The following CHRM2 variants were observed in gnomAD, a reference collection of about 807,000 sequenced individuals.
CHRM2 encodes cholinergic receptor muscarinic 2.
A neutral mutation model predicts 25.0 loss-of-function variants in CHRM2; 8 were observed. The ratio of observed to expected loss-of-function variants is 0.32; its 90% CI spans 0.19 to 0.58. The LOEUF is 0.58. CHRM2 is among the 20% of genes least tolerant of loss of function. CHRM2 has a pLI of 0.88. For missense variants in CHRM2, 440 were observed against 567.1 expected (o/e 0.78, Z 2.28); for synonymous variants, 202 against 205.7 (o/e 0.98, Z 0.15).
At chr7:136,920,518 C>A (rs1430650016) in intron 2 of CHRM2, among the ~76,000 whole-genome samples, 1 of 152,116 alleles carries the variant, frequency 6.6e-6, no homozygotes, top group African/African-American at 2.4e-5. Context: ...ATTGAAACTG[C>A]AGCTTAGAAC....
intron 2 of CHRM2, among the ~76,000 whole-genome samples, chr7:136,969,390 G>A (rs1801620612): frequency 6.6e-6 from 1 of 152,048 alleles, no homozygotes; most frequent in Non-Finnish European, 1.5e-5. Flanking sequence ...TTATCTTCCT[G>A]ATTTGACCCA....
At chr7:136,983,087 G>A (rs186032144) in intron 2 of CHRM2, among the ~76,000 whole-genome samples, 85 of 152,266 alleles carry the variant, frequency 5.6e-4, no homozygotes, top group African/African-American at 2.0e-3. Flanking sequence ...CCAATCAAAC[G>A]TAGGTTTGGT....
At chr7:136,938,755 A>C (rs563429699) in intron 2 of CHRM2, among the ~76,000 whole-genome samples, 1 of 152,098 alleles carries the variant, frequency 6.6e-6, no homozygotes, top group Admixed American at 6.5e-5. Context: ...GGAGGCCGCC[A>C]TGCAGTGTAG....
intron 2 of CHRM2, among the ~76,000 whole-genome samples, chr7:136,895,257 CTATAATG>C (rs1796847740): frequency 6.6e-6 from 1 of 152,042 alleles, no homozygotes; most frequent in South Asian, 2.1e-4. Flanking sequence ...TATGTGTGTC[CTATAATG>C]TATAATTTGA....
intron 2 of CHRM2, among the ~76,000 whole-genome samples, chr7:136,974,349 A>G (rs1029198060): frequency 3.9e-5 from 6 of 152,218 alleles, no homozygotes; most frequent in African/African-American, 1.4e-4. Flanking sequence ...CCCAAGTGCC[A>G]ACTGACAACA....
intron 2 of CHRM2, among the ~76,000 whole-genome samples, chr7:136,945,290 A>G (rs759246193): frequency 7.9e-5 from 12 of 152,136 alleles, no homozygotes; most frequent in Admixed American, 7.9e-4. Context: ...GTTCTTGGTC[A>G]TGAAGTCTTT....
At chr7:136,921,623 T>C (rs905090182) in intron 2 of CHRM2, among the ~76,000 whole-genome samples, 4 of 152,092 alleles carry the variant, frequency 2.6e-5, no homozygotes, top group Non-Finnish European at 5.9e-5. Flanking sequence ...TGCAATACTC[T>C]TGCTATTACT....
intron 2 of CHRM2, among the ~76,000 whole-genome samples, chr7:136,935,388 CA>C (rs1254587906): frequency 6.6e-6 from 1 of 152,028 alleles, no homozygotes; most frequent in East Asian, 1.9e-4. Context: ...GTACCCCAGG[CA>C]AAACAGTAGA....
chr7:137,005,682 TA>T (rs1181604342), intron 3 of CHRM2, among the ~76,000 whole-genome samples: 1 of 152,126 alleles, frequency 6.6e-6, no homozygotes, highest in African/African-American at 2.4e-5. Context: ...AAAGGATCCC[TA>T]AAAGGATATT....
chr7:137,007,591 A>C (rs1186919860), intron 3 of CHRM2, among the ~76,000 whole-genome samples: 1 of 152,082 alleles, frequency 6.6e-6, no homozygotes. Context: ...AAAAGAAAAA[A>C]CAAAAAGTGG....
At chr7:136,996,516 T>A (rs1215942782) in intron 3 of CHRM2, among the ~76,000 whole-genome samples, 1 of 152,188 alleles carries the variant, frequency 6.6e-6, no homozygotes, top group Non-Finnish European at 1.5e-5. Context: ...GGGATTTTGC[T>A]ACCCAAAATA....
At chr7:136,888,611 T>C (rs1796564893) in intron 2 of CHRM2, among the ~76,000 whole-genome samples, 1 of 152,290 alleles carries the variant, frequency 6.6e-6, no homozygotes, top group Admixed American at 6.5e-5. Context: ...GGCTGTGTGT[T>C]GATGAGCCCT....
intron 2 of CHRM2, among the ~76,000 whole-genome samples, chr7:136,946,961 C>G (rs1800106804): frequency 6.6e-6 from 1 of 152,174 alleles, no homozygotes; most frequent in African/African-American, 2.4e-5. Context: ...ATTGCTGTTA[C>G]TTTCCCAGGT....
intron 2 of CHRM2, among the ~76,000 whole-genome samples, chr7:136,916,056 G>T (rs1354076640): frequency 6.6e-6 from 1 of 151,672 alleles, no homozygotes; most frequent in Non-Finnish European, 1.5e-5. Flanking sequence ...CATGGTGCAG[G>T]CCCCATTCAC....
At chr7:136,936,736 T>C (rs988641878) in intron 2 of CHRM2, among the ~76,000 whole-genome samples, 1 of 152,204 alleles carries the variant, frequency 6.6e-6, no homozygotes, top group Non-Finnish European at 1.5e-5. Flanking sequence ...TGTGCTACTT[T>C]GTAATCAGAA....
chr7:136,963,661 T>C (rs1801234611), intron 2 of CHRM2, among the ~76,000 whole-genome samples: 1 of 152,164 alleles, frequency 6.6e-6, no homozygotes, highest in Admixed American at 6.5e-5. Flanking sequence ...CCTCTAGAGA[T>C]ATGGGTTAGC....
chr7:136,880,316 T>A (rs1270211198), intron 2 of CHRM2, among the ~76,000 whole-genome samples: 3 of 151,900 alleles, frequency 2.0e-5, no homozygotes, highest in African/African-American at 7.2e-5. Flanking sequence ...ATTCAGTTTA[T>A]CCCCTAAGAC....
At chr7:136,907,643 C>T (rs143822159) in intron 2 of CHRM2, among the ~76,000 whole-genome samples, 2 of 151,900 alleles carry the variant, frequency 1.3e-5, no homozygotes, top group Non-Finnish European at 2.9e-5. Flanking sequence ...ATGTAATATG[C>T]TTCTGTTTTG....
Position 136,898,490 on chromosome 7 carries a change from C to G in CHRM2, c.-125+29072C>G, listed in dbSNP as rs564986266. 1.4e-4 allele frequency among the ~76,000 whole-genome samples: 20 copies of G among 143,814 alleles called. No homozygotes were observed. The Admixed American group carries it at 1.5e-3, about 10-fold the overall frequency. 94.3% of individuals were successfully genotyped at this position (143,814 alleles called of 152,430 possible). A position where few individuals can be genotyped will look rare whatever the true frequency, so the allele number is the denominator to read the frequency against. ...TGTGAATTGACTATTCAATTGCATGCCTGTGTGTATGTGTGTTTGCATGTG... is the reference window on the plus strand; with the variant it reads ...TGTGAATTGACTATTCAATTGCATGGCTGTGTGTATGTGTGTTTGCATGTG... On this transcript the variant is annotated intron_variant, in intron 2 of 3. Coordinates refer to ENST00000680005, the MANE Select transcript of CHRM2 (RefSeq NM_001006630.2).
Sources: allele counts gnomAD v4.1 joint callset (sites outside exome capture counted in the v4.1 genomes callset), GRCh38; gene constraint gnomAD v4.1.1; transcripts MANE v1.5; gene names NCBI Gene and HGNC (gene_info 2026-07-23, HGNC 2026-07-21).